KDM4C: variants seen among roughly 807,000 people sequenced by gnomAD.
KDM4C encodes lysine demethylase 4C.
KDM4C carries 81 observed loss-of-function variants against 129.3 expected under a neutral mutation model. The observed-to-expected ratio is 0.63, with a 90% CI of 0.52 to 0.75. The LOEUF (loss-of-function observed/expected upper bound fraction) is 0.75. Ranked by LOEUF, KDM4C falls within the 30% of genes least tolerant of loss-of-function variation. The probability of loss-of-function intolerance (pLI) is 0.00; values close to 1 mark genes in which losing one functional copy is unlikely to be tolerated. For missense variants in KDM4C, 1,457 were observed against 1,304.0 expected (o/e 1.12, Z -1.81); for synonymous variants, 573 against 456.1 (o/e 1.26, Z -3.26).
At chr9:6,842,965 T>G (rs1205039825) in intron 4 of KDM4C, among the ~76,000 whole-genome samples, 1 of 152,254 alleles carries the variant, frequency 6.6e-6, no homozygotes, top group Non-Finnish European at 1.5e-5. Flanking sequence ...AGTCTCGCTC[T>G]GTTGCCCGGG....
At chr9:7,109,790 C>G (rs1838113348) in intron 18 of KDM4C, among the ~76,000 whole-genome samples, 1 of 152,146 alleles carries the variant, frequency 6.6e-6, no homozygotes, top group Admixed American at 6.5e-5. Flanking sequence ...TGCTTTATTT[C>G]TAATTTTAAA....
At chr9:6,949,073 C>A (rs1432689293) in intron 8 of KDM4C, among the ~76,000 whole-genome samples, 2 of 144,120 alleles carry the variant, frequency 1.4e-5, no homozygotes, top group Non-Finnish European at 3.0e-5. Flanking sequence ...GCAGAGGCGC[C>A]CCCCATCTCC....
At chr9:6,787,367 G>A (rs1454259681) in intron 1 of KDM4C, among the ~76,000 whole-genome samples, 1 of 152,168 alleles carries the variant, frequency 6.6e-6, no homozygotes, top group Non-Finnish European at 1.5e-5. Context: ...CTAGTAGCTC[G>A]GATCACAGGC....
intron 17 of KDM4C, among the ~76,000 whole-genome samples, chr9:7,096,891 A>G (rs1267389734): frequency 1.3e-5 from 2 of 152,144 alleles, no homozygotes; most frequent in Non-Finnish European, 2.9e-5. Context: ...GCTACTACTA[A>G]GCGATCGTGA....
Position 6,762,480 on chromosome 9 carries a change from C to G in KDM4C, c.-18+4277C>G, listed in dbSNP as rs917112589. ...AGCCACTGTGCTTGGCCTGCAAGCT[C>G]TATTTCTGTTATGAATTTCTTAGGA... On this transcript the variant is annotated intron_variant, in intron 1 of 21. Transcript: ENST00000381309. 3.3e-5 allele frequency among the ~76,000 whole-genome samples: 5 copies of G among 151,792 alleles called. 1 individual carries two copies. The South Asian group carries it at 8.3e-4, about 25-fold the overall frequency.
chr9:6,740,957 TG>T (rs1817675060), intron 1 of KDM4C, among the ~76,000 whole-genome samples: 1 of 151,628 alleles, frequency 6.6e-6, no homozygotes, highest in African/African-American at 2.4e-5. Context: ...CCTGAGTAGC[TG>T]GGACTACAGA....
intron 2 of KDM4C, among the ~76,000 whole-genome samples, chr9:6,795,280 C>T (rs759057824): frequency 1.6e-4 from 25 of 152,174 alleles, no homozygotes; most frequent in Non-Finnish European, 3.2e-4. Context: ...TTTACTGTTT[C>T]TGGTATCTGT....
intron 1 of KDM4C, among the ~76,000 whole-genome samples, chr9:6,785,983 G>A (rs1226483202): frequency 1.3e-5 from 2 of 152,196 alleles, no homozygotes; most frequent in African/African-American, 4.8e-5. Context: ...TGAGTGCTTA[G>A]GTTCCTAGAG....
intron 3 of KDM4C, among the ~76,000 whole-genome samples, chr9:6,812,199 C>T (rs559721860): frequency 4.6e-5 from 7 of 150,708 alleles, no homozygotes; most frequent in South Asian, 2.1e-4. Context: ...ATCATGCCAC[C>T]GCACTCCAGC....
At chr9:7,073,436 C>G (rs913540361) in intron 17 of KDM4C, among the ~76,000 whole-genome samples, 1 of 152,152 alleles carries the variant, frequency 6.6e-6, no homozygotes, top group Non-Finnish European at 1.5e-5. Context: ...CTGTGTAAAT[C>G]CTGGACTCCT....
chr9:7,034,616 A>G (rs1387773795), intron 15 of KDM4C, among the ~76,000 whole-genome samples: 29 of 152,158 alleles, frequency 1.9e-4, no homozygotes, highest in Admixed American at 1.9e-3. Flanking sequence ...GCTATTTTCA[A>G]CAGTGCTACA....
intron 5 of KDM4C, among the ~76,000 whole-genome samples, chr9:6,873,244 G>A (rs1322148179): frequency 1.3e-5 from 2 of 152,136 alleles, no homozygotes; most frequent in Admixed American, 6.5e-5. Flanking sequence ...TGATCCACCC[G>A]CCTCGGCCTG....
intron 13 of KDM4C, among the ~76,000 whole-genome samples, chr9:7,012,479 T>G (rs1000065427): frequency 6.6e-6 from 1 of 152,188 alleles, no homozygotes; most frequent in African/African-American, 2.4e-5. Context: ...ATCTCTGTTT[T>G]TTTTTGTTTG....
intron 4 of KDM4C, among the ~76,000 whole-genome samples, chr9:6,848,031 G>C (rs908276162): frequency 6.6e-6 from 1 of 152,122 alleles, no homozygotes; most frequent in Admixed American, 6.5e-5. Context: ...GACAATTTTG[G>C]TAGACATAGA....
rs542039227 is a variant in KDM4C, at chr9:7,068,686, CTTTTTTTTTT to C, written c.2424+19504_2424+19513del. ...TTCATACATGTTTATGATGCCCTTT[CTTTTTTTTTT>C]TTTTTTTTTTTTTTTTTGAAACAGA... On this transcript the variant is annotated intron_variant, in intron 17 of 21. Transcript: ENST00000381309. 5.9e-3 allele frequency among the ~76,000 whole-genome samples: 596 copies of C among 101,762 alleles called. 10 individuals are homozygous for C. Among genetic ancestry groups the C allele is most frequent in the African/African-American group, 0.018 (478 of 25,942 alleles). 66.8% of individuals were successfully genotyped at this position (101,762 alleles called of 152,430 possible). A position where few individuals can be genotyped will look rare whatever the true frequency, so the allele number is the denominator to read the frequency against.
intron 8 of KDM4C, among the ~76,000 whole-genome samples, chr9:6,950,632 T>G (rs1827966502): frequency 6.6e-6 from 1 of 152,260 alleles, no homozygotes; most frequent in African/African-American, 2.4e-5. Context: ...TTATTAATAC[T>G]GATTAAACTC....
chr9:7,097,107 C>A (rs771206102), intron 17 of KDM4C, among the ~76,000 whole-genome samples: 4 of 152,164 alleles, frequency 2.6e-5, no homozygotes, highest in Non-Finnish European at 4.4e-5. Flanking sequence ...TGGCTGAAGC[C>A]TGCTAGTCCT....
chr9:6,993,511 C>G (rs529975024), intron 12 of KDM4C, among the ~76,000 whole-genome samples: 121 of 152,226 alleles, frequency 7.9e-4, no homozygotes, highest in Middle Eastern at 3.4e-3. Flanking sequence ...GTTTTATTCT[C>G]GAAGCATCCA....
At position 7,103,848 on chromosome 9, in the gene KDM4C, G is replaced by T; in HGVS notation, c.2588G>T (p.Arg863Leu). 3 of 1,613,876 alleles carry T rather than the reference G, an allele frequency of 1.9e-6. No individual in the cohort carries two copies. The highest frequency in any genetic ancestry group is 1.7e-4 in the Middle Eastern group (1 of 6,056). ...WPYVVNITCF[R>L]HKVNPNVKSK... ...TATGTGGTGAACATTACATGCTTTC[G>T]ACATAAGGTCAACCCCAACGTGGTA... Residue 863 changes from arginine (R) to leucine (L), a missense_variant, in exon 18 of 22, where the codon CGA becomes CTA. Physicochemically the swap from Arg to Leu is moderately radical, Grantham distance 102. Transcript: ENST00000381309.
Sources: allele counts gnomAD v4.1 joint callset (sites outside exome capture counted in the v4.1 genomes callset), GRCh38; gene constraint gnomAD v4.1.1; transcripts MANE v1.5; gene names NCBI Gene and HGNC (gene_info 2026-07-23, HGNC 2026-07-21).